The following TAPBPL variants were observed in gnomAD, a reference collection of about 807,000 sequenced individuals.
TAPBPL encodes tapasin-related protein.
In TAPBPL, 32 loss-of-function variants were observed where a neutral mutation model predicts 44.8. That is an observed-to-expected ratio of 0.71 (90% CI 0.54 to 0.96). The LOEUF is 0.96. Among genes scored for constraint, TAPBPL ranks in the 40% least tolerant of loss-of-function variants. TAPBPL has a pLI of 0.00. For synonymous variants in TAPBPL, 230 were observed against 240.7 expected (o/e 0.96, Z 0.41); for missense variants, 520 against 586.6 (o/e 0.89, Z 1.17).
At chr12:6,468,276 A>C (rs1028120078), downstream of TAPBPL, among the ~76,000 whole-genome samples, 1 of 152,136 alleles carries the variant, frequency 6.6e-6, no homozygotes, top group Non-Finnish European at 1.5e-5. Context: ...TTTTATATTC[A>C]AGTTATTGGT....
downstream of TAPBPL, chr12:6,466,224 C>T (rs1565527137): frequency 6.2e-7 from 1 of 1,614,218 alleles, no homozygotes; most frequent in Non-Finnish European, 8.5e-7. Context: ...TATCTACCTA[C>T]CTCCTCCACT....
At chr12:6,461,135 A>C (rs1949849053) in intron 6 of TAPBPL, 197 bp downstream of exon 6, 3 of 1,403,656 alleles carry the variant, frequency 2.1e-6, no homozygotes, top group Non-Finnish European at 2.8e-6. Context: ...TACCTCACTA[A>C]AGTCTGTCAC....
At chr12:6,457,097 A>G (rs1192105486) in intron 3 of TAPBPL, among the ~76,000 whole-genome samples, 1 of 152,242 alleles carries the variant, frequency 6.6e-6, no homozygotes, top group Non-Finnish European at 1.5e-5. Context: ...CTGCTACTCT[A>G]GTAGTTCTTA....
intron 4 of TAPBPL, among the ~76,000 whole-genome samples, chr12:6,457,950 C>T (rs1003551858): frequency 1.3e-5 from 2 of 152,170 alleles, no homozygotes; most frequent in East Asian, 1.9e-4. Flanking sequence ...AAGAGATTTC[C>T]AGCCCAGGAT....
chr12:6,465,411 T>TATATATAAATGTATATAC (rs1555130224), downstream of TAPBPL: 6 of 70,358 alleles, frequency 8.5e-5, no homozygotes, highest in East Asian at 3.9e-3. Flanking sequence ...AATGTATATA[T>TATATATAAATGTATATAC]ATGTATATAT....
downstream of TAPBPL, chr12:6,470,930 TG>T: frequency 3.8e-6 from 1 of 265,692 alleles, no homozygotes; most frequent in Non-Finnish European, 7.4e-6. Flanking sequence ...CGGGGCGGGG[TG>T]GAGATGAGGT....
chr12:6,452,198 A>C lies in TAPBPL; in HGVS notation c.-51A>C. On this transcript the variant is annotated 5_prime_UTR_variant, in exon 1 of 7. Coordinates refer to ENST00000266556, the MANE Select transcript of TAPBPL (RefSeq NM_018009.5). ...TTCCGCCGGGCCTCGCAAGCAGCGT[A>C]GGACTGTGGAGAAGGGCGGTGGGCA... The C allele has an allele frequency of 6.4e-7, 1 of 1,553,278 alleles. No individual in the cohort carries two copies. Among genetic ancestry groups the C allele is most frequent in the Non-Finnish European group, 8.7e-7 (1 of 1,147,332 alleles).
At chr12:6,458,007 T>C (rs1949745384) in intron 4 of TAPBPL, among the ~76,000 whole-genome samples, 1 of 152,166 alleles carries the variant, frequency 6.6e-6, no homozygotes, top group Non-Finnish European at 1.5e-5. Flanking sequence ...CCAGTCCTTT[T>C]GGACCACATC....
chr12:6,467,410 GA>G (rs1945656438), downstream of TAPBPL, among the ~76,000 whole-genome samples: 1 of 152,192 alleles, frequency 6.6e-6, no homozygotes, highest in African/African-American at 2.4e-5. Flanking sequence ...CTCAGATGGA[GA>G]TGAGGAACTT....
chr12:6,459,724 T>TTTTA lies in TAPBPL; in HGVS notation c.1207+817_1207+820dup, dbSNP rs143107897. 8.9e-3 allele frequency among the ~76,000 whole-genome samples: 1,307 copies of TTTTA among 146,176 alleles called. 5 individuals are homozygous for TTTTA. Among genetic ancestry groups the TTTTA allele is most frequent in the East Asian group, 0.017 (85 of 5,024 alleles). On this transcript the variant is annotated intron_variant, in intron 5 of 6. Coordinates refer to ENST00000266556, the MANE Select transcript of TAPBPL (RefSeq NM_018009.5). ...AGAGCCATAGCATGCTGTTGAAAGGTTTTATTTATTTATTTATTTATTTAT... is the reference window on the plus strand; with the variant it reads ...AGAGCCATAGCATGCTGTTGAAAGGTTTTATTTATTTATTTATTTATTTATTTAT...
downstream of TAPBPL, chr12:6,465,357 A>AGTATATATATATAAATGTATATATAT (rs1949977309): frequency 1.4e-5 from 3 of 214,362 alleles, no homozygotes; most frequent in African/African-American, 1.5e-4. Flanking sequence ...AAAAGAAAAA[A>AGTATATATATATAAATGTATATATAT]GTATATATAT....
downstream of TAPBPL, chr12:6,463,563 T>C (rs779925949): frequency 1.7e-4 from 178 of 1,056,496 alleles, no homozygotes; most frequent in Non-Finnish European, 2.0e-4. This position sits in a 1 kb window ranked among gnomAD's most constrained non-coding sequence, Gnocchi z 4.0. Flanking sequence ...CTGAGCTTGT[T>C]ACTTTCAAAT....
chr12:6,453,448 G>C lies in TAPBPL; in HGVS notation c.297G>C (p.Val99=). 6.2e-7 allele frequency: 1 copy of C among 1,614,000 alleles called. No homozygotes were observed. Among genetic ancestry groups the C allele is most frequent in the Non-Finnish European group, 8.5e-7 (1 of 1,179,948 alleles). The part of the protein sequence containing the change: ...DDPPIIFEAS[V]DLVQIPQAEA... ...TGTGTGTGCCCTGCTTCTCCCCAGT[G>C]GACCTGGTCCAGATTCCCCAGGCCG... Residue 99 remains valine (V), a splice_region_variant and synonymous_variant, in exon 3 of 7, where the codon GTG becomes GTC. Transcript: ENST00000266556. This position sits in a 1 kb window ranked among gnomAD's most constrained non-coding sequence, Gnocchi z 4.8.
chr12:6,465,345 GAAAAAGA>G (rs776425328), downstream of TAPBPL: 131 of 255,298 alleles, frequency 5.1e-4, 1 homozygote, highest in African/African-American at 4.7e-3. Flanking sequence ...TGATTTAAAA[GAAAAAGA>G]AAAAAGTATA....
intron 3 of TAPBPL, among the ~76,000 whole-genome samples, chr12:6,456,629 C>T (rs1489204029): frequency 6.6e-6 from 1 of 151,020 alleles, no homozygotes; most frequent in African/African-American, 2.4e-5. Context: ...TTCCCAATAC[C>T]ACGTGTGTTT....
intron 3 of TAPBPL, among the ~76,000 whole-genome samples, chr12:6,456,872 C>CA (rs1949716377): frequency 6.6e-6 from 1 of 152,242 alleles, no homozygotes; most frequent in East Asian, 1.9e-4. Context: ...AGGCTGGTCT[C>CA]AAACTCCTGA....
intron 4 of TAPBPL, 134 bp from the exon 5 acceptor site, chr12:6,458,511 C>A: frequency 2.8e-6 from 3 of 1,081,082 alleles, no homozygotes; most frequent in Non-Finnish European, 2.6e-6. Context: ...CACACACCCC[C>A]GCCTTGGTAC....
downstream of TAPBPL, chr12:6,463,512 G>A (rs566185897): frequency 8.7e-6 from 9 of 1,039,186 alleles, no homozygotes; most frequent in South Asian, 1.3e-4. The surrounding 1 kb of genome is among the most constrained non-coding windows in gnomAD (Gnocchi z 4.0). Flanking sequence ...CAGGAAGAGA[G>A]GAACAGGACC....
rs753458717 is a variant in TAPBPL, at chr12:6,458,858, C to G, written c.1118C>G (p.Pro373Arg). ...YSISSSLTAE[P>R]GSAGATYTCQ... The stretch of plus-strand genomic sequence containing the variant: ...ATCTCCTCCTCTCTCACCGCAGAAC[C>G]TGGCTCTGCAGGTGCCACTTACACC... Residue 373 changes from proline (P) to arginine (R), a missense_variant, in exon 5 of 7, where the codon CCT (proline) becomes CGT (arginine). Pro to Arg is a moderately radical substitution (Grantham distance 103). Transcript: ENST00000266556. 6.2e-7 allele frequency: 1 copy of G among 1,614,210 alleles called. No homozygotes were observed. The highest frequency in any genetic ancestry group is 8.5e-7 in the Non-Finnish European group (1 of 1,180,046).
Sources: allele counts gnomAD v4.1 joint callset (sites outside exome capture counted in the v4.1 genomes callset), GRCh38; gene constraint gnomAD v4.1.1; non-coding constraint Gnocchi (gnomAD v3.1); transcripts MANE v1.5; gene names NCBI Gene and HGNC (gene_info 2026-07-23, HGNC 2026-07-21).